The following SCFD2 variants were observed in gnomAD, a reference collection of about 807,000 sequenced individuals.
SCFD2 encodes the protein sec1 family domain containing 2, also known as sec1 family domain-containing protein 2.
SCFD2 carries 54 observed loss-of-function variants against 58.9 expected under a neutral mutation model. The ratio of observed to expected loss-of-function variants is 0.92; its 90% CI spans 0.74 to 1.15. The LOEUF (loss-of-function observed/expected upper bound fraction) is 1.15, where lower values mean the gene tolerates loss of function less well. Ranked by LOEUF, SCFD2 falls within the 50% of genes most tolerant of loss-of-function variation. The pLI, the probability that SCFD2 is intolerant of heterozygous loss-of-function variation, is 0.00. For missense variants in SCFD2, 805 were observed against 836.6 expected, an observed-to-expected ratio of 0.96 and a Z score of 0.47; for synonymous variants, 321 against 335.9, an observed-to-expected ratio of 0.96 and a Z score of 0.49.
intron 2 of SCFD2, among the ~76,000 whole-genome samples, chr4:53,339,402 T>C (rs1445337230): frequency 6.6e-6 from 1 of 151,174 alleles, no homozygotes; most frequent in Non-Finnish European, 1.5e-5. Flanking sequence ...AATATATGTA[T>C]ACAACATATA....
At chr4:52,970,007 C>G (rs960602929) in intron 5 of SCFD2, among the ~76,000 whole-genome samples, 1 of 152,136 alleles carries the variant, frequency 6.6e-6, no homozygotes, top group African/African-American at 2.4e-5. Context: ...GTAAAAATCT[C>G]AAGGAGTATA....
intron 5 of SCFD2, among the ~76,000 whole-genome samples, chr4:53,032,737 C>T (rs537088684): frequency 6.4e-4 from 97 of 152,174 alleles, no homozygotes; most frequent in Middle Eastern, 3.4e-3. Context: ...TATTACATAA[C>T]GGTAAAGGGA....
At position 52,920,868 on chromosome 4, in the gene SCFD2, A is replaced by C. The variant is rs1242275822; in HGVS notation, c.1564T>G (p.Trp522Gly). 6.3e-7 allele frequency: 1 copy of C among 1,595,900 alleles called. No individual in the cohort carries two copies. Among genetic ancestry groups the C allele is most frequent in the Admixed American group, 1.8e-5 (1 of 56,790 alleles). The stretch of plus-strand genomic sequence containing the variant: ...AATGTCAGATTAATTGAAGAGTCCC[A>C]GTCTGAAAAAATCCAGAGATATTTT... Reference protein sequence around the residue: ...LSPLLQKITDWDSSINLTFHK... With the variant: ...LSPLLQKITDGDSSINLTFHK... The change falls in exon 6 of 9, where the codon TGG becomes GGG. Residue 522 changes from tryptophan (W) to glycine (G), a missense_variant and splice_region_variant. Trp to Gly is a radical substitution (Grantham distance 184, BLOSUM62 -2). Coordinates refer to ENST00000401642, the MANE Select transcript of SCFD2 (RefSeq NM_152540.4).
At chr4:53,061,930 CAG>C (rs1723524130) in intron 5 of SCFD2, among the ~76,000 whole-genome samples, 1 of 152,072 alleles carries the variant, frequency 6.6e-6, no homozygotes, top group African/African-American at 2.4e-5. Context: ...CACGATTAGA[CAG>C]AGGGTGAGAG....
At chr4:53,044,829 T>G (rs76506375) in intron 5 of SCFD2, among the ~76,000 whole-genome samples, 3 of 94,308 alleles carry the variant, frequency 3.2e-5, no homozygotes, top group South Asian at 3.9e-4. Context: ...AGTATTTCTG[T>G]TTTTTTTTTT....
chr4:52,913,105 T>C (rs1577822011), intron 6 of SCFD2, among the ~76,000 whole-genome samples: 2 of 152,328 alleles, frequency 1.3e-5, no homozygotes, highest in South Asian at 2.1e-4. Flanking sequence ...CATTTATTTA[T>C]TCCTTATATC....
At chr4:53,096,053 C>T (rs945674166) in intron 5 of SCFD2, among the ~76,000 whole-genome samples, 6 of 152,238 alleles carry the variant, frequency 3.9e-5, no homozygotes, top group African/African-American at 1.4e-4. Context: ...ATGAACTCAT[C>T]ATTTTTTATG....
At chr4:52,967,799 AC>A (rs1422248834) in intron 5 of SCFD2, among the ~76,000 whole-genome samples, 4 of 152,108 alleles carry the variant, frequency 2.6e-5, no homozygotes, top group Middle Eastern at 3.4e-3. Flanking sequence ...CCCTTTGTCT[AC>A]CCTCTGGGCT....
At chr4:53,149,336 A>C (rs1726435163) in intron 4 of SCFD2, among the ~76,000 whole-genome samples, 1 of 152,266 alleles carries the variant, frequency 6.6e-6, no homozygotes, top group Admixed American at 6.5e-5. Flanking sequence ...TCAAAAGGAC[A>C]CACAAGCCAA....
intron 5 of SCFD2, among the ~76,000 whole-genome samples, chr4:53,123,077 C>T (rs1725527256): frequency 6.6e-6 from 1 of 152,046 alleles, no homozygotes. Context: ...CTTTGCTGAC[C>T]CACTCTCTCC....
intron 2 of SCFD2, among the ~76,000 whole-genome samples, chr4:53,349,509 A>G (rs182613815): frequency 5.6e-4 from 86 of 152,322 alleles, no homozygotes; most frequent in Non-Finnish European, 1.1e-3. Flanking sequence ...TCACATCTGG[A>G]AGAATATTTC....
At chr4:53,288,270 T>C (rs1013301462) in intron 3 of SCFD2, among the ~76,000 whole-genome samples, 3 of 152,122 alleles carry the variant, frequency 2.0e-5, no homozygotes, top group African/African-American at 7.2e-5. Flanking sequence ...GCATTAACCA[T>C]ATAAATATTC....
intron 5 of SCFD2, among the ~76,000 whole-genome samples, chr4:53,135,786 C>T (rs1725919701): frequency 6.6e-6 from 1 of 152,074 alleles, no homozygotes; most frequent in Non-Finnish European, 1.5e-5. Context: ...TCCACCACTC[C>T]CTATTGTCCC....
chr4:53,131,379 G>T (rs1402810767), intron 5 of SCFD2, among the ~76,000 whole-genome samples: 2 of 152,170 alleles, frequency 1.3e-5, no homozygotes, highest in Non-Finnish European at 2.9e-5. Flanking sequence ...AGAGAGATCT[G>T]AACAGTGTAT....
chr4:53,127,758 A>G (rs1446400497), intron 5 of SCFD2, among the ~76,000 whole-genome samples: 1 of 152,158 alleles, frequency 6.6e-6, no homozygotes, highest in Non-Finnish European at 1.5e-5. Flanking sequence ...AGGGAATGAA[A>G]GAAAAAAATG....
intron 5 of SCFD2, among the ~76,000 whole-genome samples, chr4:53,125,486 T>C (rs1193134703): frequency 6.6e-6 from 1 of 152,230 alleles, no homozygotes; most frequent in Non-Finnish European, 1.5e-5. Flanking sequence ...TCAACAAAAA[T>C]TTATCAGATA....
intron 8 of SCFD2, among the ~76,000 whole-genome samples, chr4:52,881,655 A>G (rs528194466): frequency 1.3e-5 from 2 of 152,370 alleles, no homozygotes; most frequent in African/African-American, 4.8e-5. Flanking sequence ...GAGCACCCAC[A>G]CAGCAGTAGA....
chr4:52,912,977 GGTAAACCATA>G (rs1313588867), intron 6 of SCFD2, among the ~76,000 whole-genome samples: 1 of 152,080 alleles, frequency 6.6e-6, no homozygotes, highest in Non-Finnish European at 1.5e-5. Context: ...ATATTAAGAG[GGTAAACCATA>G]GTAATTTAGT....
At chr4:52,882,246 T>A (rs140190351) in intron 8 of SCFD2, among the ~76,000 whole-genome samples, 74 of 152,264 alleles carry the variant, frequency 4.9e-4, no homozygotes, top group African/African-American at 1.7e-3. Flanking sequence ...ATGGGAGCTA[T>A]CTTCATATGT....
Sources: allele counts gnomAD v4.1 joint callset (sites outside exome capture counted in the v4.1 genomes callset), GRCh38; gene constraint gnomAD v4.1.1; transcripts MANE v1.5; gene names NCBI Gene and HGNC (gene_info 2026-07-23, HGNC 2026-07-21).